The following MDGA2 variants were observed in gnomAD, a reference collection of about 807,000 sequenced individuals.
The protein encoded by MDGA2 is MAM domain containing glycosylphosphatidylinositol anchor 2, also known as MAM domain-containing glycosylphosphatidylinositol anchor protein 2.
Under a neutral mutation model 117.8 loss-of-function variants are expected in MDGA2, and 40 were observed. That is an observed-to-expected ratio of 0.34 (90% CI 0.26 to 0.44). MDGA2 has a LOEUF of 0.44. MDGA2 is among the 20% of genes least tolerant of loss of function. The probability of loss-of-function intolerance (pLI) is 1.00; values close to 1 mark genes in which losing one functional copy is unlikely to be tolerated. For synonymous variants in MDGA2, 452 were observed against 439.0 expected (o/e 1.03, Z -0.37); for missense variants, 1,123 against 1,250.6 (o/e 0.90, Z 1.54).
chr14:47,615,891 C>T (rs1283585956), intron 1 of MDGA2, among the ~76,000 whole-genome samples: 2 of 152,154 alleles, frequency 1.3e-5, no homozygotes, highest in Non-Finnish European at 1.5e-5. Context: ...AGCACTGACA[C>T]ACTGGAACAA....
At chr14:47,453,201 C>T (rs1029997776) in intron 1 of MDGA2, among the ~76,000 whole-genome samples, 3 of 151,900 alleles carry the variant, frequency 2.0e-5, no homozygotes, top group Admixed American at 1.3e-4. Context: ...TAAGTAAAGG[C>T]TACCTTTTCA....
intron 3 of MDGA2, among the ~76,000 whole-genome samples, chr14:47,198,368 C>T (rs1885364871): frequency 6.6e-6 from 1 of 152,078 alleles, no homozygotes; most frequent in Non-Finnish European, 1.5e-5. Flanking sequence ...GTCAGGAGAT[C>T]GAGACCATGA....
At chr14:47,360,891 T>C (rs1891105806) in intron 1 of MDGA2, among the ~76,000 whole-genome samples, 2 of 151,842 alleles carry the variant, frequency 1.3e-5, no homozygotes, top group Admixed American at 6.6e-5. Flanking sequence ...AAGGAAAAGG[T>C]TGAATGCATA....
chr14:47,622,116 T>C (rs74046661), intron 1 of MDGA2, among the ~76,000 whole-genome samples: 1,875 of 152,330 alleles, frequency 0.012, 47 homozygotes, highest in African/African-American at 0.043. Context: ...ATGTGTTTTA[T>C]AAATTCCTGA....
At chr14:47,431,339 GA>G (rs1020382589) in intron 1 of MDGA2, among the ~76,000 whole-genome samples, 6 of 151,896 alleles carry the variant, frequency 4.0e-5, no homozygotes, top group African/African-American at 7.2e-5. Flanking sequence ...TAAATTTAGT[GA>G]AAAAAATTGC....
At chr14:47,170,847 T>G (rs570196819) in intron 3 of MDGA2, among the ~76,000 whole-genome samples, 20 of 152,286 alleles carry the variant, frequency 1.3e-4, no homozygotes, top group African/African-American at 4.3e-4. Flanking sequence ...TAGATGAAAG[T>G]TGGCTAACCT....
At chr14:47,019,860 T>C (rs1265195933) in intron 8 of MDGA2, among the ~76,000 whole-genome samples, 1 of 151,258 alleles carries the variant, frequency 6.6e-6, no homozygotes, top group Non-Finnish European at 1.5e-5. Context: ...AAAAAAATTA[T>C]CTACCTGGTA....
intron 4 of MDGA2, among the ~76,000 whole-genome samples, chr14:47,135,595 T>C (rs1882413335): frequency 6.6e-6 from 1 of 152,156 alleles, no homozygotes; most frequent in South Asian, 2.1e-4. Context: ...GCTGCATTTC[T>C]AATTCTCTTT....
chr14:47,251,742 C>A (rs1468510382), intron 2 of MDGA2, among the ~76,000 whole-genome samples: 2 of 152,088 alleles, frequency 1.3e-5, no homozygotes, highest in Non-Finnish European at 2.9e-5. Flanking sequence ...GTAAAACAAT[C>A]TCACTCAAGA....
At chr14:47,180,421 G>T (rs1432589858) in intron 3 of MDGA2, among the ~76,000 whole-genome samples, 1 of 152,126 alleles carries the variant, frequency 6.6e-6, no homozygotes, top group Non-Finnish European at 1.5e-5. Context: ...CAACCTATGA[G>T]ATGAGAGAAA....
chr14:47,148,052 T>C (rs1883015741), intron 3 of MDGA2, among the ~76,000 whole-genome samples: 1 of 152,128 alleles, frequency 6.6e-6, no homozygotes, highest in Non-Finnish European at 1.5e-5. Flanking sequence ...TACTGTTTCC[T>C]GCCTCACTAT....
At chr14:47,543,790 T>C (rs1300872536) in intron 1 of MDGA2, among the ~76,000 whole-genome samples, 1 of 152,180 alleles carries the variant, frequency 6.6e-6, no homozygotes, top group Non-Finnish European at 1.5e-5. Context: ...AGCACTAAAA[T>C]ATCATTTGGC....
chr14:47,335,398 C>T (rs181818788), intron 1 of MDGA2, among the ~76,000 whole-genome samples: 10 of 150,014 alleles, frequency 6.7e-5, no homozygotes, highest in East Asian at 6.0e-4. Flanking sequence ...TTGATGTAGA[C>T]GAGGGAATGA....
intron 6 of MDGA2, among the ~76,000 whole-genome samples, chr14:47,074,563 G>A (rs1232869399): frequency 6.6e-6 from 1 of 152,236 alleles, no homozygotes; most frequent in Non-Finnish European, 1.5e-5. Flanking sequence ...CCCTCCCAGA[G>A]TGCTGGGATT....
At position 47,629,908 on chromosome 14, in the gene MDGA2, G is replaced by A. The variant is rs189710369; in HGVS notation, c.280+44609C>T. 5.1e-4 allele frequency among the ~76,000 whole-genome samples: 77 copies of A among 152,162 alleles called. 3 individuals are homozygous for A. Among genetic ancestry groups the A allele is most frequent in the African/African-American group, 1.8e-3 (75 of 41,516 alleles). The stretch of plus-strand genomic sequence containing the variant: ...TTAAAATGCAGATTCTAATTCCGGG[G>A]GTCTGTGGTGAGCCCTGAGATTCTG... On this transcript the variant is annotated intron_variant, in intron 1 of 16. Coordinates refer to ENST00000399232, the MANE Select transcript of MDGA2 (RefSeq NM_001113498.3).
At chr14:46,904,583 C>T (rs1348564133) in intron 10 of MDGA2, among the ~76,000 whole-genome samples, 3 of 152,034 alleles carry the variant, frequency 2.0e-5, no homozygotes, top group South Asian at 4.1e-4. Flanking sequence ...ACCTAAAAAG[C>T]GTTGCTTATT....
chr14:46,891,645 T>C (rs1238662991), intron 10 of MDGA2, among the ~76,000 whole-genome samples: 2 of 151,622 alleles, frequency 1.3e-5, no homozygotes, highest in African/African-American at 4.8e-5. Flanking sequence ...ATTTGACATT[T>C]AATGAATAGG....
chr14:47,071,675 C>G (rs1325568759), intron 6 of MDGA2, among the ~76,000 whole-genome samples: 1 of 151,870 alleles, frequency 6.6e-6, no homozygotes, highest in African/African-American at 2.4e-5. Flanking sequence ...TGGCTTTACT[C>G]TTTACAGGAA....
chr14:46,904,006 T>C (rs1416383495), intron 10 of MDGA2, among the ~76,000 whole-genome samples: 1 of 152,196 alleles, frequency 6.6e-6, no homozygotes. Context: ...TCAATTACAA[T>C]TGCTTTATAA....
Sources: allele counts gnomAD v4.1 joint callset (sites outside exome capture counted in the v4.1 genomes callset), GRCh38; gene constraint gnomAD v4.1.1; transcripts MANE v1.5; gene names NCBI Gene and HGNC (gene_info 2026-07-23, HGNC 2026-07-21).